HEATR5A: variants seen among roughly 807,000 people sequenced by gnomAD.
HEATR5A encodes HEAT repeat-containing protein 5A.
Under a neutral mutation model 218.8 loss-of-function variants are expected in HEATR5A, and 178 were observed. The ratio of observed to expected loss-of-function variants is 0.81; its 90% CI spans 0.72 to 0.92. The LOEUF (loss-of-function observed/expected upper bound fraction) is 0.92. Ranked by LOEUF, HEATR5A falls within the 40% of genes least tolerant of loss-of-function variation. The pLI is 0.00. For synonymous variants in HEATR5A, 864 were observed against 871.6 expected (o/e 0.99, Z 0.15); for missense variants, 2,420 against 2,418.9 (o/e 1.00, Z -0.01).
intron 23 of HEATR5A, among the ~76,000 whole-genome samples, chr14:31,324,279 T>C (rs1336858357): frequency 6.6e-6 from 1 of 152,164 alleles, no homozygotes; most frequent in Non-Finnish European, 1.5e-5. Flanking sequence ...ATATTTTTCT[T>C]AGGATAGACT....
chr14:31,328,134 T>C (rs927390986), intron 22 of HEATR5A, among the ~76,000 whole-genome samples: 4 of 151,710 alleles, frequency 2.6e-5, no homozygotes, highest in Admixed American at 2.0e-4. Context: ...TTTATTACCT[T>C]GTAGAGACGA....
In HEATR5A at chr14:31,293,505, G is replaced by A. The variant is rs1431934406; in HGVS notation, c.5941C>T (p.Leu1981=). The part of the protein sequence containing the change: ...SIMRNLHDFA[L]QNLMQIGPQY... The stretch of plus-strand genomic sequence containing the variant: ...GGTCCAATTTGCATGAGATTTTGTA[G>A]AGCAAAGTCATGTAAATTTCTCATT... Residue 1981 remains leucine (L), a synonymous_variant, in exon 36 of 36, where the codon CTA becomes TTA. Coordinates refer to ENST00000543095, the MANE Select transcript of HEATR5A (RefSeq NM_015473.4). 2.5e-6 allele frequency: 4 copies of A among 1,613,780 alleles called. No individual in the cohort carries two copies. The highest frequency in any genetic ancestry group is 2.2e-5 in the East Asian group (1 of 44,876).
intron 21 of HEATR5A, chr14:31,340,340 G>A (rs1027113972): frequency 3.3e-5 from 17 of 513,866 alleles, no homozygotes; most frequent in East Asian, 7.2e-5. Flanking sequence ...TTAATGGTTC[G>A]CTTAAAAAAA....
At chr14:31,369,502 T>G (rs955697240) in intron 13 of HEATR5A, among the ~76,000 whole-genome samples, 12 of 138,034 alleles carry the variant, frequency 8.7e-5, no homozygotes, top group Non-Finnish European at 1.8e-4. Flanking sequence ...AATCCCTTAC[T>G]GGGGAGACCG....
chr14:31,407,400 G>A (rs576519654), intron 1 of HEATR5A, among the ~76,000 whole-genome samples: 1 of 152,108 alleles, frequency 6.6e-6, no homozygotes, highest in East Asian at 1.9e-4. Context: ...ACAAAGTTAG[G>A]GATTTTTACC....
intron 12 of HEATR5A, among the ~76,000 whole-genome samples, chr14:31,374,381 T>G (rs1902150045): frequency 6.6e-6 from 1 of 151,392 alleles, no homozygotes; most frequent in Non-Finnish European, 1.5e-5. Flanking sequence ...GGATATTAGA[T>G]ACATTTTTGG....
intron 34 of HEATR5A, chr14:31,295,557 C>CTTTTTTTT (rs766889885): frequency 9.2e-6 from 1 of 108,548 alleles, no homozygotes; most frequent in African/African-American, 3.2e-5. Flanking sequence ...GCCTCCCTTT[C>CTTTTTTTT]TTTTTTTTTT....
In HEATR5A at chr14:31,420,522, CG is replaced by C. The variant is rs1363041645; in HGVS notation, c.-126del. ...GTGCGTCCCGGTCCAGCAACGTTAC[CG>C]GCTGCTCTGCTAACCCTAGCAGAGT... is the stretch of plus-strand genomic sequence containing the variant. On this transcript the variant is annotated 5_prime_UTR_variant, in exon 1 of 36. Transcript: ENST00000543095. The C allele has an allele frequency of 6.6e-6, 1 of 152,428 alleles. No individual in the cohort carries two copies. The highest frequency in any genetic ancestry group is 2.1e-4 in the South Asian group (1 of 4,832). The allele number at this position is 152,428 out of a possible 1,614,324, so 9.4% of individuals were successfully genotyped here. A position where few individuals can be genotyped will look rare whatever the true frequency, so the allele number is the denominator to read the frequency against.
At chr14:31,323,343 T>A (rs1900168860) in intron 24 of HEATR5A, among the ~76,000 whole-genome samples, 1 of 152,052 alleles carries the variant, frequency 6.6e-6, no homozygotes, top group Non-Finnish European at 1.5e-5. Context: ...AAAATTTTTT[T>A]AATAGAGACA....
At chr14:31,295,561 T>A in intron 34 of HEATR5A, 1 of 149,582 alleles carries the variant, frequency 6.7e-6, no homozygotes, top group African/African-American at 2.6e-5. Context: ...CCCTTTCTTT[T>A]TTTTTTTTTT....
intron 19 of HEATR5A, among the ~76,000 whole-genome samples, chr14:31,346,266 C>T (rs986463262): frequency 2.0e-5 from 3 of 152,054 alleles, no homozygotes; most frequent in Non-Finnish European, 4.4e-5. Context: ...CAATATACAA[C>T]TAGGTACATT....
chr14:31,347,921 A>T lies in HEATR5A; in HGVS notation c.2709-14T>A. ...GCTGATTTCAATCTGTAAATATAAAAATAAAAATAAACGGTAATCACTGCA... is the reference window on the plus strand; with the variant it reads ...GCTGATTTCAATCTGTAAATATAAATATAAAAATAAACGGTAATCACTGCA... On this transcript the variant is annotated splice_polypyrimidine_tract_variant and intron_variant, in intron 18 of 35. Transcript: ENST00000543095. 2 of 1,437,548 alleles carry T rather than the reference A, an allele frequency of 1.4e-6. No homozygotes were observed. Among genetic ancestry groups the T allele is most frequent in the Non-Finnish European group, 1.8e-6 (2 of 1,085,260 alleles). The allele number at this position is 1,437,548 out of a possible 1,614,324, so 89.0% of individuals were successfully genotyped here. A position where few individuals can be genotyped will look rare whatever the true frequency, so the allele number is the denominator to read the frequency against.
intron 22 of HEATR5A, among the ~76,000 whole-genome samples, chr14:31,337,091 G>A (rs1473697916): frequency 6.6e-6 from 1 of 152,218 alleles, no homozygotes; most frequent in Admixed American, 6.5e-5. Context: ...GACCACTGTT[G>A]TATGTGCAGT....
rs776044615 is a variant in HEATR5A at position 31,388,868 on chromosome 14, C to T, written c.910G>A (p.Asp304Asn). 1 of 1,613,840 alleles carries T rather than the reference C, an allele frequency of 6.2e-7. No homozygotes were observed. ...MLKGTSSVSR[D>N]VRVGVTQAYV... ...ACCTGAGTAACTCCAACTCGAACAT[C>T]CCTACTGACTGAACTGGTTCCTTTC... The change falls in exon 7 of 36, where the codon GAT becomes AAT. Residue 304 changes from aspartate to asparagine, a missense_variant. Transcript: ENST00000543095.
At chr14:31,380,610 G>T in intron 10 of HEATR5A, 32 bp from the exon 11 acceptor site, 1 of 1,371,672 alleles carries the variant, frequency 7.3e-7, no homozygotes, top group Non-Finnish European at 1.0e-6. Flanking sequence ...TTTAAAAAAA[G>T]CATATCAGTT....
intron 14 of HEATR5A, among the ~76,000 whole-genome samples, chr14:31,363,477 G>GGCA (rs1295963047): frequency 1.3e-5 from 2 of 152,010 alleles, no homozygotes; most frequent in African/African-American, 4.8e-5. Context: ...ACTTAGAAAA[G>GGCA]GCAGCAGCAC....
At chr14:31,389,208 T>C (rs2030354229) in intron 6 of HEATR5A, among the ~76,000 whole-genome samples, 2 of 152,218 alleles carry the variant, frequency 1.3e-5, no homozygotes, top group South Asian at 4.1e-4. Context: ...CTGAAGTGCA[T>C]GTCAAAAACA....
chr14:31,398,844 G>A (rs1380966113), intron 3 of HEATR5A, 63 bp from the exon 4 acceptor site: 4 of 863,844 alleles, frequency 4.6e-6, no homozygotes, highest in Admixed American at 4.3e-5. Flanking sequence ...AAAGATCTTA[G>A]GATATGTAAG....
chr14:31,296,136 T>G (rs1042739792), intron 33 of HEATR5A, 73 bp from the exon 34 acceptor site: 2 of 1,286,458 alleles, frequency 1.6e-6, no homozygotes, highest in Admixed American at 4.1e-5. Flanking sequence ...TGTCTTCAGT[T>G]TGGTAGTAAC....
Sources: allele counts gnomAD v4.1 joint callset (sites outside exome capture counted in the v4.1 genomes callset), GRCh38; gene constraint gnomAD v4.1.1; transcripts MANE v1.5; gene names NCBI Gene and HGNC (gene_info 2026-07-23, HGNC 2026-07-21).